Variants in TELO2 observed in about 807,000 individuals in gnomAD.
The protein encoded by TELO2 is telomere maintenance 2, also known as telomere length regulation protein TEL2 homolog.
Under a neutral mutation model 91.0 loss-of-function variants are expected in TELO2, and 71 were observed. The ratio of observed to expected loss-of-function variants is 0.78; its 90% CI spans 0.64 to 0.95. TELO2 has a LOEUF of 0.95. Ranked by LOEUF, TELO2 falls within the 40% of genes least tolerant of loss-of-function variation. The probability of loss-of-function intolerance (pLI) is 0.00; values close to 1 mark genes in which losing one functional copy is unlikely to be tolerated. For synonymous variants in TELO2, 584 were observed against 518.9 expected, an observed-to-expected ratio of 1.13 and a Z score of -1.71; for missense variants, 1,183 against 1,141.3, an observed-to-expected ratio of 1.04 and a Z score of -0.53.
rs747764029 is a variant in TELO2 at position 1,495,356 on chromosome 16, C to G, written c.346C>G (p.Arg116Gly). 1 of 1,548,330 alleles carries G rather than the reference C, an allele frequency of 6.5e-7. No homozygotes were observed. The highest frequency in any genetic ancestry group is 8.7e-7 in the Non-Finnish European group (1 of 1,144,718). Residue 116 changes from arginine to glycine, a missense_variant, in exon 3 of 21, where the codon CGG becomes GGG. Physicochemically the swap from Arg to Gly is moderately radical, Grantham distance 125. Coordinates refer to ENST00000262319, the MANE Select transcript of TELO2 (RefSeq NM_016111.4). ...CGCCCGTATCTTCAGCCCCAGCTTC[C>G]GGCTGATGAAGATGGCGCGGCTGCT... ...TIEGAAGPSF[R>G]LMKMARLLAR...
In TELO2 at chr16:1,494,405, A is replaced by G. The variant is rs777862163; in HGVS notation, c.124A>G (p.Met42Val). 2 of 1,612,280 alleles carry G rather than the reference A, an allele frequency of 1.2e-6. No individual in the cohort carries two copies. Among genetic ancestry groups the G allele is most frequent in the Non-Finnish European group, 1.7e-6 (2 of 1,179,562 alleles). The stretch of plus-strand genomic sequence containing the variant: ...GTCCCTGAAGCGGTATCTCGGTGAG[A>G]TGGAGCCTCCAGCGCTCCCGAGGGA... ...LESLKRYLGE[M>V]EPPALPREKE... is the part of the protein sequence containing the mutation. Residue 42 changes from methionine to valine, a missense_variant, in exon 2 of 21, where the codon ATG (methionine) becomes GTG (valine). Coordinates refer to ENST00000262319, the MANE Select transcript of TELO2 (RefSeq NM_016111.4). The surrounding 1 kb of genome is among the most constrained non-coding windows in gnomAD (Gnocchi z 5.6).
Position 1,502,677 on chromosome 16 carries a change from T to C in TELO2, c.1686T>C (p.His562=). ...TGGAGCTGGCCAAGGTGCTTCTGCA[T>C]CTGGAGGAGAAGACCTGTGTGGTGG... ...VSVELAKVLL[H]LEEKTCVVGF... is the part of the protein sequence containing the mutation. Residue 562 remains histidine (H), a synonymous_variant, in exon 14 of 21, where the codon CAT becomes CAC. Transcript: ENST00000262319. The C allele has an allele frequency of 6.2e-7, 1 of 1,612,512 alleles. No individual in the cohort carries two copies. Among genetic ancestry groups the C allele is most frequent in the Non-Finnish European group, 8.5e-7 (1 of 1,179,840 alleles).
Position 1,497,456 on chromosome 16 carries a change from C to T in TELO2, c.778C>T (p.Pro260Ser), listed in dbSNP as rs1596253076. Residue 260 changes from proline (P) to serine (S), a missense_variant, in exon 5 of 21, where the codon CCG (proline) becomes TCG (serine). Pro to Ser is a moderately conservative substitution (Grantham distance 74). Coordinates refer to ENST00000262319, the MANE Select transcript of TELO2 (RefSeq NM_016111.4). This position sits in a 1 kb window ranked among gnomAD's most constrained non-coding sequence, Gnocchi z 4.0. ...RVCWRLVEQV[P>S]DRAMEAVLTG... The stretch of plus-strand genomic sequence containing the variant: ...CTGCTGGCGCCTGGTGGAGCAAGTG[C>T]CGGACCGGGCCATGGAGGCTGTGCT... The T allele has an allele frequency of 6.4e-7, 1 of 1,572,316 alleles. No individual in the cohort carries two copies. The highest frequency in any genetic ancestry group is 2.4e-5 in the East Asian group (1 of 42,308).
intron 17 of TELO2, chr16:1,506,547 ATG>A: frequency 7.0e-7 from 1 of 1,427,838 alleles, no homozygotes; most frequent in Non-Finnish European, 9.2e-7. Context: ...ATCTGCTCCG[ATG>A]CTGGGCTTGT....
intron 6 of TELO2, among the ~76,000 whole-genome samples, chr16:1,499,696 C>A (rs898583611): frequency 6.6e-6 from 1 of 152,156 alleles, no homozygotes; most frequent in Non-Finnish European, 1.5e-5. Context: ...GCCTGGAGCC[C>A]GGAGGGGGTG....
chr16:1,503,852 C>T (rs1231419451), intron 15 of TELO2, among the ~76,000 whole-genome samples: 1 of 152,136 alleles, frequency 6.6e-6, no homozygotes, highest in African/African-American at 2.4e-5. Context: ...GGAAAACGGG[C>T]TGGGCGCGGC....
Position 1,505,551 on chromosome 16 carries a change from C to A in TELO2, c.1984C>A (p.Arg662=). 6.7e-7 allele frequency: 1 copy of A among 1,501,134 alleles called. No homozygotes were observed. The highest frequency in any genetic ancestry group is 9.0e-7 in the Non-Finnish European group (1 of 1,110,002). The allele number at this position is 1,501,134 out of a possible 1,614,324, so 93.0% of individuals were successfully genotyped here. A position where few individuals can be genotyped will look rare whatever the true frequency, so the allele number is the denominator to read the frequency against. Residue 662 remains arginine (R), a synonymous_variant, in exon 16 of 21, where the codon CGG becomes AGG. Transcript: ENST00000262319. The surrounding 1 kb of genome is among the most constrained non-coding windows in gnomAD (Gnocchi z 4.3). Reference sequence around the variant, plus strand: ...TGGCAGTGCCGTGGCGTCTGACTGGCGGGTGGTGGTGGAGGAGCGGATCAG... The same window carrying A: ...TGGCAGTGCCGTGGCGTCTGACTGGAGGGTGGTGGTGGAGGAGCGGATCAG... ...QPGSAVASDW[R]VVVEERIRSK...
chr16:1,507,237 C>A (rs1411355710), intron 18 of TELO2, 69 bp from the exon 19 acceptor site: 55 of 1,575,236 alleles, frequency 3.5e-5, no homozygotes, highest in South Asian at 4.4e-5. Context: ...GCAGCGGAAG[C>A]CGCCCATGGG....
At chr16:1,504,089 C>T (rs1423119588) in intron 15 of TELO2, among the ~76,000 whole-genome samples, 2 of 146,334 alleles carry the variant, frequency 1.4e-5, no homozygotes, top group African/African-American at 5.2e-5. Context: ...GGCACCACTG[C>T]CCTGCAGCCT....
intron 20 of TELO2, among the ~76,000 whole-genome samples, chr16:1,507,996 T>C (rs1318359128): frequency 3.4e-5 from 5 of 146,064 alleles, no homozygotes; most frequent in Non-Finnish European, 7.5e-5. Flanking sequence ...AGGCAGAGTG[T>C]GCAGGCCGGA....
intron 20 of TELO2, among the ~76,000 whole-genome samples, chr16:1,507,972 C>A: frequency 6.8e-6 from 1 of 146,508 alleles, no homozygotes; most frequent in Admixed American, 6.7e-5. Context: ...GCCATGACTC[C>A]TTGGGACCCA....
At position 1,494,670 on chromosome 16, in the gene TELO2, G is replaced by A; in HGVS notation, c.335+54G>A. 2.0e-6 allele frequency: 3 copies of A among 1,536,500 alleles called. No individual in the cohort carries two copies. The highest frequency in any genetic ancestry group is 2.6e-6 in the Non-Finnish European group (3 of 1,138,298). On this transcript the variant is annotated intron_variant, in intron 2 of 20. Transcript: ENST00000262319. This position sits in a 1 kb window ranked among gnomAD's most constrained non-coding sequence, Gnocchi z 5.6. ...GCCGGTAGCCTCAGAAGTGATGAGA[G>A]TGGCTTGAAGGACTGGACCAAGAGC...
Position 1,507,369 on chromosome 16 carries a change from G to C in TELO2, c.2290G>C (p.Ala764Pro), listed in dbSNP as rs1165291044. ...GTGGGCCCTTCGCTTCCACATCGATGCGTGAGTGGCCTGTGGGGCTGGGCC... is the reference window on the plus strand; with the variant it reads ...GTGGGCCCTTCGCTTCCACATCGATCCGTGAGTGGCCTGTGGGGCTGGGCC... ...FVWALRFHID[A>P]YVRQGLLSAV... Residue 764 changes from alanine to proline, a missense_variant and splice_region_variant, in exon 19 of 21, where the codon GCC (alanine) becomes CCC (proline). Ala to Pro is a conservative substitution (Grantham distance 27, BLOSUM62 -1). Transcript: ENST00000262319. 1 of 1,610,602 alleles carries C rather than the reference G, an allele frequency of 6.2e-7. No homozygotes were observed. The highest frequency in any genetic ancestry group is 1.1e-5 in the South Asian group (1 of 91,042).
chr16:1,505,586 C>T lies in TELO2; in HGVS notation c.2019C>T (p.Thr673=). ...VVVEERIRSK[T]QRLSKGGPRQ... is the part of the protein sequence containing the mutation. ...TGGAGGAGCGGATCAGAAGCAAGAC[C>T]CAGCGGCTCTCCAAGGTTAGTGGCG... is the stretch of plus-strand genomic sequence containing the variant. The change falls in exon 16 of 21, where the codon ACC becomes ACT. Residue 673 remains threonine (T), a synonymous_variant. Transcript: ENST00000262319. This position sits in a 1 kb window ranked among gnomAD's most constrained non-coding sequence, Gnocchi z 4.3. 2.5e-6 allele frequency: 4 copies of T among 1,612,370 alleles called. No individual in the cohort carries two copies. The South Asian group carries it at 4.4e-5, about 18-fold the overall frequency.
At position 1,496,955 on chromosome 16, in the gene TELO2, C is replaced by T. The variant is rs561152435; in HGVS notation, c.614-81C>T. Reference sequence around the variant, plus strand: ...TGCTGTCGGTTGGAGTCCGCCTGACCGAGAGCAGCTCTCCCCACACCTAGA... The same window carrying T: ...TGCTGTCGGTTGGAGTCCGCCTGACTGAGAGCAGCTCTCCCCACACCTAGA... On this transcript the variant is annotated intron_variant, in intron 3 of 20. Coordinates refer to ENST00000262319, the MANE Select transcript of TELO2 (RefSeq NM_016111.4). 9.4e-5 allele frequency: 134 copies of T among 1,428,144 alleles called. 1 individual carries two copies. The highest frequency in any genetic ancestry group is 2.6e-4 in the South Asian group (21 of 81,976). The allele number at this position is 1,428,144 out of a possible 1,614,324, so 88.5% of individuals were successfully genotyped here. A position where few individuals can be genotyped will look rare whatever the true frequency, so the allele number is the denominator to read the frequency against.
intron 15 of TELO2, among the ~76,000 whole-genome samples, chr16:1,504,288 G>T (rs1190244143): frequency 6.6e-6 from 1 of 151,300 alleles, no homozygotes. Flanking sequence ...CAAAAAATTA[G>T]CTGGGCATGG....
Position 1,493,752 on chromosome 16 carries a change from C to T in TELO2, c.-37+147C>T, listed in dbSNP as rs550534460. ...GTCCGGGCCTGGATCGGGGGCGGGTCCGCGTGCGGCTCCTCTAGCCCCGAA... is the reference window on the plus strand; with the variant it reads ...GTCCGGGCCTGGATCGGGGGCGGGTTCGCGTGCGGCTCCTCTAGCCCCGAA... On this transcript the variant is annotated intron_variant, in intron 1 of 20. Coordinates refer to ENST00000262319, the MANE Select transcript of TELO2 (RefSeq NM_016111.4). This position sits in a 1 kb window ranked among gnomAD's most constrained non-coding sequence, Gnocchi z 4.3. The T allele has an allele frequency of 8.6e-4, 137 of 159,448 alleles. 1 individual carries two copies. The highest frequency in any genetic ancestry group is 3.3e-3 in the Middle Eastern group (1 of 302). The allele number at this position is 159,448 out of a possible 1,614,324, so 9.9% of individuals were successfully genotyped here.
chr16:1,500,680 G>A lies in TELO2; in HGVS notation c.1262G>A (p.Gly421Glu). Residue 421 changes from glycine (G) to glutamate (E), a missense_variant, in exon 9 of 21, where the codon GGG (glycine) becomes GAG (glutamate). Transcript: ENST00000262319. Reference sequence around the variant, plus strand: ...GTTAGTGCCCGGATCCACCCCGAGGGGCCTCCCCTGAAATTCCAGGTGAGC... The same window carrying A: ...GTTAGTGCCCGGATCCACCCCGAGGAGCCTCCCCTGAAATTCCAGGTGAGC... ...EVVSARIHPE[G>E]PPLKFQYEED... 3 of 1,612,466 alleles carry A rather than the reference G, an allele frequency of 1.9e-6. No individual in the cohort carries two copies. The highest frequency in any genetic ancestry group is 2.5e-6 in the Non-Finnish European group (3 of 1,179,820).
chr16:1,508,641 G>T (rs2039996784), intron 20 of TELO2, among the ~76,000 whole-genome samples: 1 of 152,208 alleles, frequency 6.6e-6, no homozygotes, highest in South Asian at 2.1e-4. Flanking sequence ...CCTTTCCCGT[G>T]GGGCTGGGCT....
Sources: allele counts gnomAD v4.1 joint callset (sites outside exome capture counted in the v4.1 genomes callset), GRCh38; gene constraint gnomAD v4.1.1; non-coding constraint Gnocchi (gnomAD v3.1); transcripts MANE v1.5; gene names NCBI Gene and HGNC (gene_info 2026-07-23, HGNC 2026-07-21).